RUVBL2: variants seen among roughly 807,000 people sequenced by gnomAD.
RUVBL2 encodes the protein ruvB-like 2.
Under a neutral mutation model 57.9 loss-of-function variants are expected in RUVBL2, and 9 were observed. The ratio of observed to expected loss-of-function variants is 0.16; its 90% confidence interval spans 0.09 to 0.27. The LOEUF (loss-of-function observed/expected upper bound fraction) is 0.27. Among genes scored for constraint, RUVBL2 ranks in the 10% least tolerant of loss-of-function variants. The pLI is 1.00. For synonymous variants in RUVBL2, 278 were observed against 264.6 expected, an observed-to-expected ratio of 1.05 and a Z score of -0.49; for missense variants, 456 against 669.6, an observed-to-expected ratio of 0.68 and a Z score of 3.52.
At chr19:49,015,244 G>A (rs2122664759) in intron 13 of RUVBL2, 94 bp downstream of exon 13, 2 of 1,509,764 alleles carry the variant, frequency 1.3e-6, no homozygotes, top group East Asian at 2.5e-5. Context: ...ATCCTAGAAT[G>A]TACGTTTTCA....
At chr19:49,006,328 A>G (rs1301326933) in intron 4 of RUVBL2, among the ~76,000 whole-genome samples, 1 of 152,232 alleles carries the variant, frequency 6.6e-6, no homozygotes, top group African/African-American at 2.4e-5. Context: ...GTTCAGAGCT[A>G]TTGCTGGAGA....
intron 2 of RUVBL2, among the ~76,000 whole-genome samples, chr19:49,000,835 G>C (rs1270505268): frequency 1.3e-5 from 2 of 152,086 alleles, no homozygotes; most frequent in Admixed American, 1.3e-4. Context: ...TTGGGTGACA[G>C]AGTGACTCCA....
In RUVBL2 at chr19:48,993,898, A is replaced by T. The variant is rs3764618; in HGVS notation, c.-14A>T. On this transcript the variant is annotated 5_prime_UTR_variant, in exon 1 of 15. Transcript: ENST00000595090. ...TTTCCGTTTCCGCTAGGACTCTGGC[A>T]GTTGGTGAGCATCATGGCAACCGTT... The T allele has an allele frequency of 2.5e-6, 4 of 1,613,954 alleles. No individual in the cohort carries two copies. The East Asian group carries it at 6.7e-5, about 27-fold the overall frequency.
chr19:48,997,266 G>A (rs746042043), intron 1 of RUVBL2, among the ~76,000 whole-genome samples: 4 of 152,020 alleles, frequency 2.6e-5, no homozygotes, highest in African/African-American at 4.8e-5. Flanking sequence ...TGTGTCTTTC[G>A]TGTGTGGCTT....
chr19:49,011,392 T>C lies in RUVBL2; in HGVS notation c.1001+82T>C. 8.8e-7 allele frequency: 1 copy of C among 1,135,932 alleles called. No individual in the cohort carries two copies. The highest frequency in any genetic ancestry group is 1.3e-6 in the Non-Finnish European group (1 of 756,876). 70.4% of individuals were successfully genotyped at this position (1,135,932 alleles called of 1,614,324 possible). On this transcript the variant is annotated intron_variant, in intron 11 of 14. Coordinates refer to ENST00000595090, the MANE Select transcript of RUVBL2 (RefSeq NM_006666.3). This position sits in a 1 kb window ranked among gnomAD's most constrained non-coding sequence, Gnocchi z 4.4. Reference sequence around the variant, plus strand: ...GTCAGAGGGTCAATGGGAGCCTGTGTTGACACCGGGTCAGGGAGGGACGCG... The same window carrying C: ...GTCAGAGGGTCAATGGGAGCCTGTGCTGACACCGGGTCAGGGAGGGACGCG...
intron 3 of RUVBL2, 58 bp from the exon 4 acceptor site, chr19:49,004,219 G>C: frequency 1.3e-6 from 2 of 1,597,666 alleles, no homozygotes; most frequent in Non-Finnish European, 8.5e-7. Flanking sequence ...TCCTGATGTG[G>C]TAGAAATGCC....
At chr19:49,006,933 G>A (rs2039292195) in intron 4 of RUVBL2, 85 bp from the exon 5 acceptor site, 1 of 1,549,476 alleles carries the variant, frequency 6.5e-7, no homozygotes, top group East Asian at 2.3e-5. Flanking sequence ...TTCCTGGGGT[G>A]GGAGAAAAGC....
intron 3 of RUVBL2, 141 bp from the exon 4 acceptor site, chr19:49,004,136 A>AG: frequency 9.6e-7 from 1 of 1,039,406 alleles, no homozygotes; most frequent in Non-Finnish European, 1.3e-6. Context: ...AAAAAAAAAA[A>AG]AAAAGCAGGG....
chr19:49,012,809 G>A (rs142691370), intron 11 of RUVBL2, among the ~76,000 whole-genome samples: 1 of 150,054 alleles, frequency 6.7e-6, no homozygotes, highest in East Asian at 2.0e-4. Flanking sequence ...GAGTGCAGAG[G>A]CACGATCATG....
At chr19:48,996,506 G>C (rs956690887) in intron 1 of RUVBL2, among the ~76,000 whole-genome samples, 5 of 113,984 alleles carry the variant, frequency 4.4e-5, no homozygotes, top group Admixed American at 8.3e-5. Context: ...TTGTATCTGT[G>C]TGTGTGTGTG....
intron 11 of RUVBL2, among the ~76,000 whole-genome samples, chr19:49,013,908 G>A (rs899744444): frequency 1.3e-5 from 2 of 152,188 alleles, no homozygotes; most frequent in Admixed American, 6.5e-5. Flanking sequence ...GCGAGACTCC[G>A]TCTCAAAAAA....
rs1273008118 is a variant in RUVBL2 at position 49,011,598 on chromosome 19, T to C, written c.1001+288T>C. 6.6e-6 allele frequency among the ~76,000 whole-genome samples: 1 copy of C among 151,898 alleles called. No homozygotes were observed. ...GGGTGCTGCAGGAAACTCACAGGAG[T>C]GCTGTGGGATGTTTTCTAGTCTTGA... On this transcript the variant is annotated intron_variant, in intron 11 of 14. Coordinates refer to ENST00000595090, the MANE Select transcript of RUVBL2 (RefSeq NM_006666.3). The surrounding 1 kb of genome is among the most constrained non-coding windows in gnomAD (Gnocchi z 4.4).
rs1234418663 is a variant in RUVBL2 at position 49,015,939 on chromosome 19, ATG to A, written c.*102_*103del. The A allele has an allele frequency of 6.2e-7, 1 of 1,613,736 alleles. No individual in the cohort carries two copies. The highest frequency in any genetic ancestry group is 1.3e-5 in the African/African-American group (1 of 74,918). ...TTGGGAAGCTGCACCCACCCTGTGT[ATG>A]TGTGGTTGCCCTGAGCCCACAGAAA... On this transcript the variant is annotated 3_prime_UTR_variant, in exon 15 of 15. Transcript: ENST00000595090.
intron 4 of RUVBL2, 141 bp from the exon 5 acceptor site, chr19:49,006,877 C>G: frequency 9.1e-7 from 1 of 1,101,246 alleles, no homozygotes; most frequent in South Asian, 1.6e-5. Flanking sequence ...GCGCTCTGCT[C>G]AGCTCGGAGC....
chr19:49,003,368 T>C (rs762563267), intron 3 of RUVBL2, 34 bp downstream of exon 3: 1 of 1,604,242 alleles, frequency 6.2e-7, no homozygotes, highest in Non-Finnish European at 8.5e-7. Context: ...TGAGGGCCTC[T>C]CCATGAAGGT....
upstream of RUVBL2, chr19:48,993,607 C>T (rs978806124): frequency 5.6e-6 from 3 of 540,188 alleles, no homozygotes; most frequent in Admixed American, 6.4e-5. Flanking sequence ...GCGTGGAGGA[C>T]GTGTGGTTAC....
intron 4 of RUVBL2, 29 bp downstream of exon 4, chr19:49,004,447 C>A (rs781344855): frequency 1.3e-6 from 2 of 1,590,646 alleles, no homozygotes; most frequent in East Asian, 4.5e-5. Context: ...CAGGAACTCT[C>A]CTGTTTCCTG....
chr19:48,998,034 G>A (rs2039098203), intron 1 of RUVBL2, among the ~76,000 whole-genome samples: 1 of 152,210 alleles, frequency 6.6e-6, no homozygotes, highest in South Asian at 2.1e-4. Flanking sequence ...CCCTTCATGG[G>A]ACTCATGTCC....
chr19:49,000,384 G>A (rs2039155124), intron 2 of RUVBL2, among the ~76,000 whole-genome samples: 1 of 152,096 alleles, frequency 6.6e-6, no homozygotes, highest in South Asian at 2.1e-4. Context: ...GTGAAACCTC[G>A]TCTCTACTAA....
Sources: gnomAD v4.1 joint callset for allele counts (sites outside exome capture counted in the v4.1 genomes callset) on GRCh38, gnomAD v4.1.1 for gene constraint, Gnocchi (gnomAD v3.1) non-coding constraint, MANE v1.5 for transcripts, NCBI Gene and HGNC (gene_info 2026-07-23, HGNC 2026-07-21) for gene names.